KANK1: variants seen among roughly 807,000 people sequenced by gnomAD.
The protein encoded by KANK1 is KN motif and ankyrin repeat domains 1.
A neutral mutation model predicts 106.2 loss-of-function variants in KANK1; 109 were observed. The observed-to-expected ratio is 1.03, with a 90% CI of 0.88 to 1.20. The LOEUF (loss-of-function observed/expected upper bound fraction) is 1.20, where lower values mean the gene tolerates loss of function less well. Among genes scored for constraint, KANK1 ranks in the 50% most tolerant of loss-of-function variants. The pLI is 0.00. For missense variants in KANK1, 2,399 were observed against 1,710.7 expected (o/e 1.40, Z -7.10); for synonymous variants, 873 against 652.2 (o/e 1.34, Z -5.16).
intron 1 of KANK1, among the ~76,000 whole-genome samples, chr9:626,307 TAGCC>T (rs1834327766): frequency 2.0e-5 from 3 of 151,936 alleles, no homozygotes; most frequent in Non-Finnish European, 4.4e-5. Flanking sequence ...ATAAAAAAGT[TAGCC>T]AGGCGTGGTG....
chr9:491,987 A>G (rs1040956096), intron 3 of KANK1: 1 of 152,310 alleles, frequency 6.6e-6, no homozygotes, highest in Non-Finnish European at 1.5e-5. Flanking sequence ...AGCTACATGG[A>G]ACTGTAAGTC....
chr9:581,488 A>G (rs986001665), intron 1 of KANK1, among the ~76,000 whole-genome samples: 3 of 149,754 alleles, frequency 2.0e-5, no homozygotes, highest in Admixed American at 6.7e-5. Context: ...ATGTTGAACT[A>G]AGAAAATACA....
chr9:617,948 A>C (rs1832233332), intron 1 of KANK1, among the ~76,000 whole-genome samples: 1 of 152,170 alleles, frequency 6.6e-6, no homozygotes, highest in Non-Finnish European at 1.5e-5. Flanking sequence ...ACTCAGTAAC[A>C]TTTATGGAAC....
chr9:588,770 A>G (rs1189591668), intron 1 of KANK1, among the ~76,000 whole-genome samples: 1 of 152,148 alleles, frequency 6.6e-6, no homozygotes, highest in East Asian at 1.9e-4. Context: ...GGTTCAAATC[A>G]TGACTGTGCT....
At chr9:500,512 T>C (rs2058531764), upstream of KANK1, among the ~76,000 whole-genome samples, 1 of 152,204 alleles carries the variant, frequency 6.6e-6, no homozygotes, top group African/African-American at 2.4e-5. Context: ...ATGAAGACTT[T>C]TTTAAGGATG....
intron 1 of KANK1, among the ~76,000 whole-genome samples, chr9:669,211 C>T (rs1419570669): frequency 1.3e-5 from 2 of 152,132 alleles, no homozygotes; most frequent in African/African-American, 4.8e-5. Context: ...TTCTAGGTGT[C>T]ATACTAGAAT....
chr9:515,785 A>G (rs1425715830), intron 1 of KANK1, among the ~76,000 whole-genome samples: 1 of 151,822 alleles, frequency 6.6e-6, no homozygotes, highest in Non-Finnish European at 1.5e-5. Context: ...ACGTAGGGAT[A>G]AGCTATATAT....
rs547619874 is a variant in KANK1 at position 641,582 on chromosome 9, G to A, written c.-83-35308G>A. Among the ~76,000 whole-genome samples the A allele has an allele frequency of 9.9e-5, 15 of 152,258 alleles. 1 individual carries two copies. In the South Asian group the frequency reaches 2.7e-3, roughly 27 times the overall value. On this transcript the variant is annotated intron_variant, in intron 1 of 11. Coordinates refer to ENST00000382297, the MANE Select transcript of KANK1 (RefSeq NM_015158.5). The stretch of plus-strand genomic sequence containing the variant: ...ATATTACCCTGTACTGAAGAAACTC[G>A]GAACAGAGGCATCCTCAAATCCTAA...
rs529735424 is a variant in KANK1, at chr9:608,599, C to G, written c.-83-68291C>G. ...CAAGAGTGGGCTCTCTCTCTAGTCA[C>G]TTCGGGAGGAATGCCATCATCAGGA... On this transcript the variant is annotated intron_variant, in intron 1 of 11. Coordinates refer to ENST00000382297, the MANE Select transcript of KANK1 (RefSeq NM_015158.5). Among the ~76,000 whole-genome samples, 7 of 149,322 alleles carry G rather than the reference C, an allele frequency of 4.7e-5. No homozygotes were observed. In the South Asian group the frequency reaches 1.5e-3, roughly 31 times the overall value.
At chr9:642,002 A>G (rs1271339085) in intron 1 of KANK1, among the ~76,000 whole-genome samples, 1 of 151,684 alleles carries the variant, frequency 6.6e-6, no homozygotes, top group Non-Finnish European at 1.5e-5. Flanking sequence ...ACCACCACAC[A>G]CCCCCCAGCA....
chr9:723,550 A>G (rs548685786), intron 3 of KANK1, among the ~76,000 whole-genome samples: 1 of 152,200 alleles, frequency 6.6e-6, no homozygotes, highest in Admixed American at 6.5e-5. Context: ...GCTTGAGCCC[A>G]GGAGTTCAAG....
At chr9:721,081 C>G (rs1047183172) in intron 3 of KANK1, among the ~76,000 whole-genome samples, 9 of 152,168 alleles carry the variant, frequency 5.9e-5, no homozygotes, top group Admixed American at 5.9e-4. Context: ...ATTGGAGACA[C>G]TAGTTGTATT....
intron 1 of KANK1, among the ~76,000 whole-genome samples, chr9:543,372 A>T (rs1459447412): frequency 1.3e-5 from 2 of 152,014 alleles, no homozygotes; most frequent in Non-Finnish European, 2.9e-5. Flanking sequence ...CCTGGCCAAC[A>T]TGGTGAAACC....
chr9:735,367 C>T (rs1324582262), intron 7 of KANK1, among the ~76,000 whole-genome samples: 2 of 152,120 alleles, frequency 1.3e-5, no homozygotes, highest in African/African-American at 2.4e-5. Flanking sequence ...AAATTCAGAG[C>T]AAACAGCAAA....
chr9:542,202 A>G (rs1397841577), intron 1 of KANK1, among the ~76,000 whole-genome samples: 2 of 152,124 alleles, frequency 1.3e-5, no homozygotes, highest in African/African-American at 4.8e-5. Flanking sequence ...AATGCAAATT[A>G]AAACCACAGT....
upstream of KANK1, among the ~76,000 whole-genome samples, chr9:502,868 T>A (rs1240507519): frequency 4.0e-5 from 6 of 151,052 alleles, no homozygotes; most frequent in African/African-American, 1.5e-4. Context: ...AGGGTCACAC[T>A]CTGTAGCCTG....
chr9:708,769 A>T (rs540602340), intron 2 of KANK1, among the ~76,000 whole-genome samples: 1 of 152,220 alleles, frequency 6.6e-6, no homozygotes, highest in East Asian at 1.9e-4. Context: ...TACTCAGGAG[A>T]GGGCAGGGAG....
chr9:608,531 T>C (rs1829849197), intron 1 of KANK1, among the ~76,000 whole-genome samples: 2 of 151,806 alleles, frequency 1.3e-5, no homozygotes, highest in South Asian at 4.1e-4. Context: ...TGATTGACTT[T>C]AGGGCATTTA....
intron 3 of KANK1, among the ~76,000 whole-genome samples, chr9:717,545 A>G (rs141698520): frequency 2.3e-4 from 35 of 152,314 alleles, no homozygotes; most frequent in African/African-American, 8.2e-4. Context: ...TTTTGATGGA[A>G]TTGGAACCTG....
Sources: allele counts gnomAD v4.1 joint callset (sites outside exome capture counted in the v4.1 genomes callset), GRCh38; gene constraint gnomAD v4.1.1; transcripts MANE v1.5; gene names NCBI Gene and HGNC (gene_info 2026-07-23, HGNC 2026-07-21).